The following COLEC12 variants were observed in gnomAD, a reference collection of about 807,000 sequenced individuals.
COLEC12 encodes collectin-12.
Under a neutral mutation model 71.1 loss-of-function variants are expected in COLEC12, and 33 were observed. That is an observed-to-expected ratio of 0.46 (90% CI 0.35 to 0.62). The LOEUF (loss-of-function observed/expected upper bound fraction) is 0.62. Among genes scored for constraint, COLEC12 ranks in the 20% least tolerant of loss-of-function variants. COLEC12 has a pLI of 0.00. For missense variants in COLEC12, 765 were observed against 916.1 expected, an observed-to-expected ratio of 0.84 and a Z score of 2.13; for synonymous variants, 350 against 353.0, an observed-to-expected ratio of 0.99 and a Z score of 0.10.
rs545178810 is a variant in COLEC12 at position 477,728 on chromosome 18, C to T, written c.58+2979G>A. ...GACATCTCTCTTAACCTCACCAAAG[C>T]CCTGTGAGGTAGACTCACCTACGTT... On this transcript the variant is annotated intron_variant, in intron 2 of 9. Transcript: ENST00000400256. 4.1e-4 allele frequency among the ~76,000 whole-genome samples: 62 copies of T among 152,302 alleles called. No individual in the cohort carries two copies. The South Asian group carries it at 9.1e-3, about 22-fold the overall frequency.
At chr18:448,259 G>A (rs1916691672) in intron 2 of COLEC12, among the ~76,000 whole-genome samples, 1 of 152,176 alleles carries the variant, frequency 6.6e-6, no homozygotes, top group Non-Finnish European at 1.5e-5. Context: ...GGTGGTTGGG[G>A]TTGAATAGAT....
intron 2 of COLEC12, among the ~76,000 whole-genome samples, chr18:431,307 C>T (rs1916298381): frequency 1.3e-5 from 2 of 152,092 alleles, no homozygotes; most frequent in Non-Finnish European, 2.9e-5. Context: ...CCAACCTATA[C>T]ACATTTTATA....
intron 2 of COLEC12, among the ~76,000 whole-genome samples, chr18:412,148 T>C (rs1233161787): frequency 1.3e-5 from 2 of 151,980 alleles, no homozygotes; most frequent in Non-Finnish European, 1.5e-5. Flanking sequence ...GCCAAAAAAA[T>C]ACACATCAAG....
chr18:434,414 G>A (rs1428107254), intron 2 of COLEC12, among the ~76,000 whole-genome samples: 2 of 152,174 alleles, frequency 1.3e-5, no homozygotes, highest in African/African-American at 4.8e-5. Flanking sequence ...GCAGCACACA[G>A]TATTTTCATG....
At chr18:474,546 C>G (rs917131418) in intron 2 of COLEC12, among the ~76,000 whole-genome samples, 3 of 152,074 alleles carry the variant, frequency 2.0e-5, no homozygotes, top group African/African-American at 4.8e-5. Context: ...GCCAAAGGAG[C>G]CTGTGGTTAT....
intron 2 of COLEC12, among the ~76,000 whole-genome samples, chr18:375,371 C>T (rs1389448069): frequency 2.0e-5 from 3 of 152,226 alleles, no homozygotes; most frequent in Non-Finnish European, 4.4e-5. Context: ...TCATGGCTTT[C>T]TCCCTTTTTT....
intron 2 of COLEC12, among the ~76,000 whole-genome samples, chr18:433,570 C>A (rs1187168310): frequency 6.6e-6 from 1 of 152,064 alleles, no homozygotes; most frequent in African/African-American, 2.4e-5. Context: ...GTTACTCAGC[C>A]CAAAAGCCAA....
intron 2 of COLEC12, among the ~76,000 whole-genome samples, chr18:452,569 A>G (rs1916784122): frequency 6.6e-6 from 1 of 152,128 alleles, no homozygotes; most frequent in Admixed American, 6.6e-5. Context: ...TTGGTTAAGA[A>G]CCTTGGAAGA....
intron 2 of COLEC12, among the ~76,000 whole-genome samples, chr18:446,252 A>ATG (rs1916647140): frequency 1.3e-5 from 2 of 151,770 alleles, no homozygotes. Flanking sequence ...GTGTATATAT[A>ATG]TATGTGTGTG....
intron 2 of COLEC12, among the ~76,000 whole-genome samples, chr18:380,181 C>T (rs1915200121): frequency 6.6e-6 from 1 of 152,156 alleles, no homozygotes; most frequent in Admixed American, 6.5e-5. Context: ...CATGATGGAA[C>T]CACTAGCTTA....
chr18:445,706 C>T (rs1598366430), intron 2 of COLEC12, among the ~76,000 whole-genome samples: 1 of 148,010 alleles, frequency 6.8e-6, no homozygotes, highest in East Asian at 2.0e-4. Context: ...AATCTTGGCT[C>T]ACTGCAACCT....
At chr18:388,127 A>G (rs370329652) in intron 2 of COLEC12, among the ~76,000 whole-genome samples, 5 of 152,344 alleles carry the variant, frequency 3.3e-5, no homozygotes, top group Admixed American at 2.0e-4. Context: ...AACAGCCCCA[A>G]CTAGACAGCA....
chr18:395,013 T>C (rs1420850098), intron 2 of COLEC12, among the ~76,000 whole-genome samples: 4 of 152,212 alleles, frequency 2.6e-5, no homozygotes, highest in Non-Finnish European at 5.9e-5. Flanking sequence ...AGTACAGTGA[T>C]AGGAATTAGA....
chr18:355,047 GCATCCATCCATCCATC>G lies in COLEC12; in HGVS notation c.181+2337_181+2352del, dbSNP rs112034077. ...ATGCACAATCCATCAATCCATCCAT[GCATCCATCCATCCATC>G]CATCCATCCATCCATCCATCCATCC... On this transcript the variant is annotated intron_variant, in intron 3 of 9. Coordinates refer to ENST00000400256, the MANE Select transcript of COLEC12 (RefSeq NM_130386.3). Among the ~76,000 whole-genome samples the G allele has an allele frequency of 7.2e-4, 109 of 150,378 alleles. 2 individuals are homozygous for G. In the East Asian group the frequency reaches 0.017, roughly 23 times the overall value.
At chr18:457,853 T>A (rs9303954) in intron 2 of COLEC12, among the ~76,000 whole-genome samples, 3 of 152,086 alleles carry the variant, frequency 2.0e-5, no homozygotes, top group African/African-American at 7.2e-5. Flanking sequence ...CTTGACTGTT[T>A]AGTGCTTACG....
intron 2 of COLEC12, among the ~76,000 whole-genome samples, chr18:472,678 C>CAAAAAAAAAAAAAAA (rs765169609): frequency 1.1e-5 from 1 of 93,686 alleles, no homozygotes; most frequent in African/African-American, 4.0e-5. Context: ...GGCCCTGTGA[C>CAAAAAAAAAAAAAAA]AAAAAAAAAA....
chr18:346,440 C>T lies in COLEC12; in HGVS notation c.1182G>A (p.Leu394=). Residue 394 remains leucine, a synonymous_variant, in exon 5 of 10, where the codon TTG becomes TTA. Transcript: ENST00000400256. This position sits in a 1 kb window ranked among gnomAD's most constrained non-coding sequence, Gnocchi z 4.0. ...GTTGCATCCTGAGAGAAACAGAATC[C>T]AAACGGATGTTGGCCAGGGTATTAT... ...SLNNTLANIR[L]DSVSLRMQQD... 5 of 1,614,154 alleles carry T rather than the reference C, an allele frequency of 3.1e-6. No individual in the cohort carries two copies. Among genetic ancestry groups the T allele is most frequent in the Non-Finnish European group, 4.2e-6 (5 of 1,180,030 alleles).
At chr18:386,106 GGA>G (rs1326166323) in intron 2 of COLEC12, among the ~76,000 whole-genome samples, 2 of 98,948 alleles carry the variant, frequency 2.0e-5, no homozygotes, top group Non-Finnish European at 4.7e-5. Flanking sequence ...TGTGGGTGGG[GGA>G]GAAGGCTAGG....
At chr18:323,852 C>A (rs369801113) in intron 8 of COLEC12, among the ~76,000 whole-genome samples, 8 of 152,166 alleles carry the variant, frequency 5.3e-5, no homozygotes, top group African/African-American at 1.9e-4. Context: ...TTTCCCCTTG[C>A]GTTTCCTTTT....
Sources: gnomAD v4.1 joint callset for allele counts (sites outside exome capture counted in the v4.1 genomes callset) on GRCh38, gnomAD v4.1.1 for gene constraint, Gnocchi (gnomAD v3.1) non-coding constraint, MANE v1.5 for transcripts, NCBI Gene and HGNC (gene_info 2026-07-23, HGNC 2026-07-21) for gene names.